Variants in CSNK1G2 observed in about 807,000 individuals in gnomAD.
CSNK1G2 encodes casein kinase I isoform gamma-2.
CSNK1G2 carries 11 observed loss-of-function variants against 48.0 expected under a neutral mutation model. The ratio of observed to expected loss-of-function variants is 0.23; its 90% CI spans 0.14 to 0.38. The LOEUF (loss-of-function observed/expected upper bound fraction) is 0.38. CSNK1G2 is among the 10% of genes least tolerant of loss of function. The pLI, the probability that CSNK1G2 is intolerant of heterozygous loss-of-function variation, is 1.00. For missense variants in CSNK1G2, 446 were observed against 595.5 expected (o/e 0.75, Z 2.61); for synonymous variants, 337 against 254.1 (o/e 1.33, Z -3.10).
At chr19:1,979,869 G>T in intron 10 of CSNK1G2, 34 bp downstream of exon 10, 1 of 1,603,902 alleles carries the variant, frequency 6.2e-7, no homozygotes, top group African/African-American at 1.3e-5. Context: ...GCCCCAGGGA[G>T]GGGCATGGGC....
intron 1 of CSNK1G2, among the ~76,000 whole-genome samples, chr19:1,956,079 C>A (rs1312713346): frequency 2.0e-5 from 3 of 152,200 alleles, no homozygotes; most frequent in Non-Finnish European, 4.4e-5. Context: ...CCTTTCTCAT[C>A]CTCCTGCCTC....
At position 1,975,091 on chromosome 19, in the gene CSNK1G2, C is replaced by T. The variant is rs551883279; in HGVS notation, c.188-3214C>T. The T allele has an allele frequency of 2.0e-5, 20 of 985,430 alleles. No individual in the cohort carries two copies. The South Asian group carries it at 2.8e-4, about 14-fold the overall frequency. 61.0% of individuals were successfully genotyped at this position (985,430 alleles called of 1,614,324 possible). A position where few individuals can be genotyped will look rare whatever the true frequency, so the allele number is the denominator to read the frequency against. On this transcript the variant is annotated intron_variant, in intron 2 of 11. Coordinates refer to ENST00000255641, the MANE Select transcript of CSNK1G2 (RefSeq NM_001319.7). Reference sequence around the variant, plus strand: ...GCCGCACACAGCGGTGGGGTTCAGGCGAAGGTTTCTTCCACAGTGCAGAGT... The same window carrying T: ...GCCGCACACAGCGGTGGGGTTCAGGTGAAGGTTTCTTCCACAGTGCAGAGT...
intron 1 of CSNK1G2, among the ~76,000 whole-genome samples, chr19:1,956,643 C>T (rs530741869): frequency 6.6e-6 from 1 of 152,362 alleles, no homozygotes; most frequent in East Asian, 1.9e-4. Context: ...TGACCCTCCA[C>T]AGAGGGGCTG....
intron 1 of CSNK1G2, among the ~76,000 whole-genome samples, chr19:1,950,002 G>A (rs1460487340): frequency 6.6e-6 from 1 of 152,256 alleles, no homozygotes; most frequent in South Asian, 2.1e-4. Flanking sequence ...GCCACAGCGA[G>A]TTCAGAGGCC....
intron 1 of CSNK1G2, among the ~76,000 whole-genome samples, chr19:1,950,747 T>C (rs1336171656): frequency 1.4e-5 from 2 of 145,048 alleles, no homozygotes; most frequent in African/African-American, 5.3e-5. Flanking sequence ...CCCGTCCCCC[T>C]GCCTCCCTCC....
Position 1,957,513 on chromosome 19 carries a change from G to A in CSNK1G2, c.-265-11995G>A, listed in dbSNP as rs572713193. ...TTTGCTGTTAGGAGGGACAGTGAGC[G>A]CAGGCACCTCTCTCTCCACTTCATG... On this transcript the variant is annotated intron_variant, in intron 1 of 11. Coordinates refer to ENST00000255641, the MANE Select transcript of CSNK1G2 (RefSeq NM_001319.7). The surrounding 1 kb of genome is among the most constrained non-coding windows in gnomAD (Gnocchi z 5.4). 1.8e-4 allele frequency among the ~76,000 whole-genome samples: 27 copies of A among 152,324 alleles called. No individual in the cohort carries two copies. The highest frequency in any genetic ancestry group is 2.4e-4 in the African/African-American group (10 of 41,574).
At chr19:1,942,199 G>A (rs942222759) in intron 1 of CSNK1G2, among the ~76,000 whole-genome samples, 1 of 152,196 alleles carries the variant, frequency 6.6e-6, no homozygotes, top group Non-Finnish European at 1.5e-5. Flanking sequence ...GATCAGGGAG[G>A]GAGGGTGAGA....
intron 1 of CSNK1G2, among the ~76,000 whole-genome samples, chr19:1,943,953 G>A (rs1246203167): frequency 1.3e-5 from 2 of 152,206 alleles, no homozygotes; most frequent in Non-Finnish European, 2.9e-5. Context: ...AGCCTGGCAG[G>A]GGCTGCGGGC....
rs60024174 is a variant in CSNK1G2 at position 1,971,766 on chromosome 19, C to CTT, written c.187+1827_187+1828dup. Among the ~76,000 whole-genome samples, 307 of 116,122 alleles carry CTT rather than the reference C, an allele frequency of 2.6e-3. 3 individuals are homozygous for CTT. The highest frequency in any genetic ancestry group is 4.8e-3 in the Middle Eastern group (1 of 210). 76.2% of individuals were successfully genotyped at this position (116,122 alleles called of 152,430 possible). A position where few individuals can be genotyped will look rare whatever the true frequency, so the allele number is the denominator to read the frequency against. On this transcript the variant is annotated intron_variant, in intron 2 of 11. Transcript: ENST00000255641. ...ATGAGAGTGACGTGGGTGATGCCAG[C>CTT]TTTTTTTTTTTTTTTTTTTTTGAGA...
intron 1 of CSNK1G2, among the ~76,000 whole-genome samples, chr19:1,955,748 G>A (rs961635044): frequency 1.3e-5 from 2 of 152,166 alleles, no homozygotes; most frequent in Non-Finnish European, 2.9e-5. Context: ...TGCTGTCACC[G>A]GAGGAGGCTG....
chr19:1,942,631 T>TG (rs1568176500), intron 1 of CSNK1G2: 2 of 146,898 alleles, frequency 1.4e-5, no homozygotes, highest in East Asian at 4.3e-4. Flanking sequence ...GGCTCCTGTC[T>TG]GGGGGAAAAA....
chr19:1,962,273 G>A (rs2015223563), intron 1 of CSNK1G2, among the ~76,000 whole-genome samples: 1 of 150,662 alleles, frequency 6.6e-6, no homozygotes, highest in Non-Finnish European at 1.5e-5. Flanking sequence ...AGAGGTTACA[G>A]TGAGTCGAGT....
rs1408972013 is a variant in CSNK1G2, at chr19:1,969,815, G to A, written c.43G>A (p.Gly15Ser). The A allele has an allele frequency of 6.1e-6, 8 of 1,310,300 alleles. No homozygotes were observed. The Admixed American group carries it at 1.2e-4, about 20-fold the overall frequency. The allele number at this position is 1,310,300 out of a possible 1,614,324, so 81.2% of individuals were successfully genotyped here. A position where few individuals can be genotyped will look rare whatever the true frequency, so the allele number is the denominator to read the frequency against. The change falls in exon 2 of 12, where the codon GGC (glycine) becomes AGC (serine). Residue 15 changes from glycine to serine, a missense_variant. Gly to Ser is a moderately conservative substitution (Grantham distance 56, BLOSUM62 0). Transcript: ENST00000255641. ...AGGAGGGAAAGGGGAGACGGAGGAG[G>A]GCCGGAGAATGTCCAAGGCCGGCGG... ...KKGGKGETEE[G>S]RRMSKAGGGR... is the part of the protein sequence containing the mutation.
At chr19:1,972,620 C>CTTTGT (rs766160970) in intron 2 of CSNK1G2, among the ~76,000 whole-genome samples, 5 of 152,076 alleles carry the variant, frequency 3.3e-5, no homozygotes, top group African/African-American at 4.8e-5. Flanking sequence ...CTTTGCTTTG[C>CTTTGT]TTTGTTTTGT....
At position 1,978,429 on chromosome 19, in the gene CSNK1G2, C is replaced by G. The variant is rs778955689; in HGVS notation, c.229-13C>G. The G allele has an allele frequency of 1.9e-6, 3 of 1,611,146 alleles. No homozygotes were observed. Among genetic ancestry groups the G allele is most frequent in the Admixed American group, 3.3e-5 (2 of 59,870 alleles). ...CGACCCGGTCCCCTGGTGACTCGCT[C>G]TTGTGCCCCCAGGAGCCGATCAAGT... On this transcript the variant is annotated splice_polypyrimidine_tract_variant and intron_variant, in intron 3 of 11. Transcript: ENST00000255641. The surrounding 1 kb of genome is among the most constrained non-coding windows in gnomAD (Gnocchi z 7.3).
Position 1,980,185 on chromosome 19 carries a change from G to C in CSNK1G2, c.1230G>C (p.Ser410=). The change falls in exon 12 of 12, where the codon TCG becomes TCC. Residue 410 remains serine (S), a synonymous_variant. Coordinates refer to ENST00000255641, the MANE Select transcript of CSNK1G2 (RefSeq NM_001319.7). The part of the protein sequence containing the change: ...CCFFKRRKRK[S]LQRHK ...TCTTCAAGAGGAGAAAGAGAAAATC[G>C]CTGCAGCGACACAAGTGACCCTGGG... 1 of 1,612,924 alleles carries C rather than the reference G, an allele frequency of 6.2e-7. No homozygotes were observed. Among genetic ancestry groups the C allele is most frequent in the Non-Finnish European group, 8.5e-7 (1 of 1,179,876 alleles).
Position 1,980,136 on chromosome 19 carries a change from C to G in CSNK1G2, c.1194-13C>G. The G allele has an allele frequency of 6.2e-7, 1 of 1,612,872 alleles. No homozygotes were observed. The highest frequency in any genetic ancestry group is 8.5e-7 in the Non-Finnish European group (1 of 1,179,844). ...CACCCCGGTCCTCCTACCTGAGCCACTGCCCTCCTCAGATGCTGCTGTTTC... is the reference window on the plus strand; with the variant it reads ...CACCCCGGTCCTCCTACCTGAGCCAGTGCCCTCCTCAGATGCTGCTGTTTC... On this transcript the variant is annotated splice_polypyrimidine_tract_variant and intron_variant, in intron 11 of 11. Transcript: ENST00000255641.
At chr19:1,956,401 C>T (rs2015000377) in intron 1 of CSNK1G2, among the ~76,000 whole-genome samples, 1 of 152,232 alleles carries the variant, frequency 6.6e-6, no homozygotes, top group Non-Finnish European at 1.5e-5. Context: ...CCTGTGGTCC[C>T]AGCTACCTGG....
Position 1,978,887 on chromosome 19 carries a change from A to G in CSNK1G2, c.476A>G (p.Lys159Arg), listed in dbSNP as rs148091512. ...ACGCGCATGGAGTATGTGCACACCA[A>G]GAGCCTAATCTACCGGGACGTGAAG... ...LITRMEYVHTKSLIYRDVKPE... is the reference protein window; with the variant it reads ...LITRMEYVHTRSLIYRDVKPE... Residue 159 changes from lysine (K) to arginine (R), a missense_variant, in exon 6 of 12, where the codon AAG (lysine) becomes AGG (arginine). Coordinates refer to ENST00000255641, the MANE Select transcript of CSNK1G2 (RefSeq NM_001319.7). This position sits in a 1 kb window ranked among gnomAD's most constrained non-coding sequence, Gnocchi z 7.3. 3.1e-6 allele frequency: 5 copies of G among 1,603,002 alleles called. No homozygotes were observed. The African/African-American group carries it at 6.7e-5, about 21-fold the overall frequency.
Sources: gnomAD v4.1 joint callset for allele counts (sites outside exome capture counted in the v4.1 genomes callset) on GRCh38, gnomAD v4.1.1 for gene constraint, Gnocchi (gnomAD v3.1) non-coding constraint, MANE v1.5 for transcripts, NCBI Gene and HGNC (gene_info 2026-07-23, HGNC 2026-07-21) for gene names.